Variants in LEO1 observed in about 807,000 individuals in gnomAD.
LEO1 encodes the protein RNA polymerase-associated protein LEO1.
LEO1 carries 34 observed loss-of-function variants against 80.4 expected under a neutral mutation model. That is an observed-to-expected ratio of 0.42 (90% CI 0.32 to 0.56). The LOEUF is 0.56. Among genes scored for constraint, LEO1 ranks in the 20% least tolerant of loss-of-function variants. LEO1 has a pLI of 0.10. For missense variants in LEO1, 631 were observed against 814.2 expected (o/e 0.77, Z 2.74); for synonymous variants, 262 against 274.9 (o/e 0.95, Z 0.46).
At chr15:51,945,777 G>T (rs559266168) in intron 11 of LEO1, among the ~76,000 whole-genome samples, 3 of 152,212 alleles carry the variant, frequency 2.0e-5, no homozygotes, top group African/African-American at 7.2e-5. Flanking sequence ...GCTCACGCCT[G>T]TAATCCCAAC....
intron 1 of LEO1, among the ~76,000 whole-genome samples, chr15:51,971,092 A>G (rs142934559): frequency 2.9e-4 from 44 of 152,240 alleles, no homozygotes; most frequent in East Asian, 1.9e-3. Flanking sequence ...GCACTCCCCA[A>G]TCTAACATCA....
At chr15:51,948,826 C>T (rs147052049) in intron 10 of LEO1, among the ~76,000 whole-genome samples, 12 of 152,284 alleles carry the variant, frequency 7.9e-5, no homozygotes, top group Admixed American at 2.6e-4. Flanking sequence ...CGCTTTTCAC[C>T]ATGTCGTCTT....
chr15:51,943,601 G>A (rs2056874280), intron 11 of LEO1, among the ~76,000 whole-genome samples: 1 of 151,890 alleles, frequency 6.6e-6, no homozygotes, highest in African/African-American at 2.4e-5. Flanking sequence ...TTGGGAGGCT[G>A]AGGCAGGAGA....
intron 3 of LEO1, 96 bp downstream of exon 3, chr15:51,962,293 C>T (rs1001825770): frequency 1.1e-5 from 8 of 725,094 alleles, no homozygotes; most frequent in African/African-American, 1.8e-5. Flanking sequence ...GTGGGTCTGG[C>T]GATCTGGGGT....
rs748875547 is a variant in LEO1 at position 51,949,892 on chromosome 15, G to C, written c.1714C>G (p.Pro572Ala). The C allele has an allele frequency of 1.9e-6, 3 of 1,614,038 alleles. No homozygotes were observed. The highest frequency in any genetic ancestry group is 2.2e-5 in the South Asian group (2 of 91,062). Residue 572 changes from proline to alanine, a missense_variant, in exon 10 of 12, where the codon CCT (proline) becomes GCT (alanine). Coordinates refer to ENST00000299601, the MANE Select transcript of LEO1 (RefSeq NM_138792.4). ...QRGLSASYLEPDRYDEEEEGE... is the reference protein window; with the variant it reads ...QRGLSASYLEADRYDEEEEGE... ...TCCTCCTCCTCATCGTATCGATCAGGTTCCAGGTAACTGGCGCTCAGCCCC... is the reference window on the plus strand; with the variant it reads ...TCCTCCTCCTCATCGTATCGATCAGCTTCCAGGTAACTGGCGCTCAGCCCC...
chr15:51,951,584 T>C (rs2056949158), intron 9 of LEO1, among the ~76,000 whole-genome samples: 1 of 152,174 alleles, frequency 6.6e-6, no homozygotes, highest in Admixed American at 6.5e-5. Flanking sequence ...TACATGAAAA[T>C]TCAGATATTT....
intron 3 of LEO1, among the ~76,000 whole-genome samples, 172 bp from the exon 4 acceptor site, chr15:51,960,905 A>C (rs1226955025): frequency 1.3e-5 from 2 of 152,190 alleles, no homozygotes; most frequent in African/African-American, 4.8e-5. Context: ...GGGAGAGGGA[A>C]GGGGGCAAAT....
Position 51,966,403 on chromosome 15 carries a change from C to G in LEO1, c.160G>C (p.Gly54Arg). 6 of 1,614,134 alleles carry G rather than the reference C, an allele frequency of 3.7e-6. No homozygotes were observed. The South Asian group carries it at 5.5e-5, about 15-fold the overall frequency. The change falls in exon 2 of 12, where the codon GGA (glycine) becomes CGA (arginine). Residue 54 changes from glycine (G) to arginine (R), a missense_variant. Physicochemically the swap from Gly to Arg is moderately radical, Grantham distance 125. This residue lies in a region of LEO1 where 394 missense variants were observed against 395.6 expected (regional missense o/e 1.00). Transcript: ENST00000299601. ...ESDQDERGDS[G>R]QPSNKELFGD... ...AACAGTTCCTTATTACTTGGTTGTC[C>G]TGAATCACCTCTTTCATCCTGATCA...
intron 2 of LEO1, among the ~76,000 whole-genome samples, chr15:51,962,752 T>A (rs2057041497): frequency 6.6e-6 from 1 of 152,136 alleles, no homozygotes; most frequent in African/African-American, 2.4e-5. Context: ...AAAAGTTTAG[T>A]GACAGAAAAG....
intron 4 of LEO1, 66 bp downstream of exon 4, chr15:51,960,573 G>C (rs1049253291): frequency 1.2e-6 from 1 of 859,338 alleles, no homozygotes; most frequent in Non-Finnish European, 2.0e-6. Flanking sequence ...CTGGAATAAG[G>C]GAGACTCTTC....
In LEO1 at chr15:51,945,262, C is replaced by CAAAAAAAAA. The variant is rs71130110; in HGVS notation, c.1896+2021_1896+2029dup. The stretch of plus-strand genomic sequence containing the variant: ...TGAAACCCCATCTCTACAAAAAATA[C>CAAAAAAAAA]AAAAAAAAAAAAAAAAAGCCTTACA... On this transcript the variant is annotated intron_variant, in intron 11 of 11. Coordinates refer to ENST00000299601, the MANE Select transcript of LEO1 (RefSeq NM_138792.4). 3.7e-3 allele frequency among the ~76,000 whole-genome samples: 298 copies of CAAAAAAAAA among 80,264 alleles called. 7 individuals are homozygous for CAAAAAAAAA. Among genetic ancestry groups the CAAAAAAAAA allele is most frequent in the East Asian group, 6.1e-3 (11 of 1,802 alleles). The allele number at this position is 80,264 out of a possible 152,430, so 52.7% of individuals were successfully genotyped here.
At chr15:51,965,648 A>C in intron 2 of LEO1, 101 bp downstream of exon 2, 1 of 1,467,604 alleles carries the variant, frequency 6.8e-7, no homozygotes, top group African/African-American at 1.4e-5. Context: ...GGGACAGAAG[A>C]GAAAAAACAG....
intron 11 of LEO1, chr15:51,947,009 G>A: frequency 2.7e-6 from 1 of 375,432 alleles, no homozygotes; most frequent in Non-Finnish European, 4.8e-6. Context: ...TCTATCCGGA[G>A]TGACCTACCA....
intron 11 of LEO1, among the ~76,000 whole-genome samples, chr15:51,944,705 T>C (rs1238009668): frequency 6.6e-6 from 1 of 152,146 alleles, no homozygotes; most frequent in Non-Finnish European, 1.5e-5. Context: ...CAATTCCAAT[T>C]TCATCACATT....
At chr15:51,960,550 T>G in intron 4 of LEO1, 89 bp downstream of exon 4, 1 of 742,724 alleles carries the variant, frequency 1.3e-6, no homozygotes. Flanking sequence ...AATTCAGTTA[T>G]CAACTTCCTT....
intron 1 of LEO1, among the ~76,000 whole-genome samples, 161 bp downstream of exon 1, chr15:51,971,527 C>T (rs1002008894): frequency 6.6e-6 from 1 of 152,184 alleles, no homozygotes; most frequent in Admixed American, 6.5e-5. Context: ...CTCCATCCTG[C>T]CCGCCGGAGG....
chr15:51,941,604 G>A (rs1285279653), intron 11 of LEO1, among the ~76,000 whole-genome samples: 1 of 152,114 alleles, frequency 6.6e-6, no homozygotes, highest in Non-Finnish European at 1.5e-5. Flanking sequence ...GACTCCTGGA[G>A]AACAGAGTAC....
chr15:51,947,224 T>A, intron 11 of LEO1, 68 bp downstream of exon 11: 1 of 985,210 alleles, frequency 1.0e-6, no homozygotes, highest in Non-Finnish European at 1.6e-6. Context: ...ATCTGTGAGC[T>A]CTTCATTCAA....
At chr15:51,963,981 C>A (rs1453866270) in intron 2 of LEO1, among the ~76,000 whole-genome samples, 3 of 150,882 alleles carry the variant, frequency 2.0e-5, no homozygotes, top group Non-Finnish European at 4.4e-5. Context: ...CCGAAGCAGG[C>A]GGATCACGAG....
Sources: gnomAD v4.1 joint callset for allele counts (sites outside exome capture counted in the v4.1 genomes callset) on GRCh38, gnomAD v4.1.1 for gene constraint, gnomAD v4.1.1 regional missense constraint, MANE v1.5 for transcripts, NCBI Gene and HGNC (gene_info 2026-07-23, HGNC 2026-07-21) for gene names.